UBE2L3: variants seen among roughly 807,000 people sequenced by gnomAD.
UBE2L3 encodes ubiquitin conjugating enzyme E2 L3.
In UBE2L3, 1 loss-of-function variant was observed where a neutral mutation model predicts 17.8. That is an observed-to-expected ratio of 0.06 (90% confidence interval 0.02 to 0.27). The LOEUF (loss-of-function observed/expected upper bound fraction) is 0.27. Ranked by LOEUF, UBE2L3 falls within the 10% of genes least tolerant of loss-of-function variation. The probability of loss-of-function intolerance (pLI) is 1.00; values close to 1 mark genes in which losing one functional copy is unlikely to be tolerated. For synonymous variants in UBE2L3, 44 were observed against 68.5 expected (o/e 0.64, Z 1.76); for missense variants, 40 against 192.6 (o/e 0.21, Z 4.69).
intron 2 of UBE2L3, among the ~76,000 whole-genome samples, chr22:21,607,779 G>GC (rs1929256723): frequency 6.6e-6 from 1 of 152,212 alleles, no homozygotes; most frequent in Non-Finnish European, 1.5e-5. Context: ...GGGGCAAGGG[G>GC]CTAGGGCATG....
At chr22:21,556,853 A>G (rs1488199542) in intron 1 of UBE2L3, among the ~76,000 whole-genome samples, 4 of 152,262 alleles carry the variant, frequency 2.6e-5, no homozygotes, top group African/African-American at 9.6e-5. Context: ...CAGGAGTTCG[A>G]GCCCAGCCTG....
At chr22:21,557,844 T>C (rs1233779722) in intron 1 of UBE2L3, among the ~76,000 whole-genome samples, 4 of 152,354 alleles carry the variant, frequency 2.6e-5, no homozygotes, top group Non-Finnish European at 1.5e-5. Context: ...TTAAGTGTCA[T>C]TTATCAGATT....
At chr22:21,584,434 C>G (rs1348237457) in intron 1 of UBE2L3, among the ~76,000 whole-genome samples, 4 of 151,988 alleles carry the variant, frequency 2.6e-5, no homozygotes, top group Non-Finnish European at 5.9e-5. Context: ...CTTGGCCTCC[C>G]AAAGTGCTGG....
Position 21,621,899 on chromosome 22 carries a change from C to G in UBE2L3, c.*230C>G. ...GTTCTGCTCTCTTTGTTTTAAAAAT[C>G]ACTGCTTCAATCTACTTCAAAAGAA... is the stretch of plus-strand genomic sequence containing the variant. On this transcript the variant is annotated 3_prime_UTR_variant, in exon 4 of 4. Coordinates refer to ENST00000342192, the MANE Select transcript of UBE2L3 (RefSeq NM_003347.4). 2.2e-6 allele frequency: 1 copy of G among 463,384 alleles called. No individual in the cohort carries two copies. The highest frequency in any genetic ancestry group is 3.8e-6 in the Non-Finnish European group (1 of 265,224). The allele number at this position is 463,384 out of a possible 1,614,324, so 28.7% of individuals were successfully genotyped here.
intron 1 of UBE2L3, among the ~76,000 whole-genome samples, chr22:21,572,432 A>AAG (rs1010517466): frequency 5.3e-5 from 8 of 151,026 alleles, no homozygotes; most frequent in African/African-American, 1.9e-4. Context: ...CAAAAAAAAA[A>AAG]AAAAAAAAAG....
At chr22:21,608,703 G>A (rs1929306528) in intron 2 of UBE2L3, among the ~76,000 whole-genome samples, 1 of 151,272 alleles carries the variant, frequency 6.6e-6, no homozygotes, top group Non-Finnish European at 1.5e-5. Context: ...GGGATTACAG[G>A]TGTGAGCCAC....
intron 3 of UBE2L3, among the ~76,000 whole-genome samples, chr22:21,618,212 T>TAGTGAA (rs10522574): frequency 0.54 from 81,301 of 150,968 alleles, 22,389 homozygotes; most frequent in African/African-American, 0.67. Flanking sequence ...TTGATCAAAT[T>TAGTGAA]AGTGAAACTA....
At chr22:21,564,329 G>T (rs1313597687), upstream of UBE2L3, among the ~76,000 whole-genome samples, 1 of 152,120 alleles carries the variant, frequency 6.6e-6, no homozygotes, top group East Asian at 1.9e-4. Flanking sequence ...TCACCACAAG[G>T]TTACTTCTGA....
chr22:21,619,670 C>T (rs768831716), intron 3 of UBE2L3, among the ~76,000 whole-genome samples: 9 of 152,222 alleles, frequency 5.9e-5, no homozygotes, highest in Admixed American at 2.0e-4. Context: ...TTGCATATGA[C>T]TCAGCCAGCA....
At position 21,622,710 on chromosome 22, in the gene UBE2L3, G is replaced by C. The variant is rs567387301; in HGVS notation, c.*1041G>C. The C allele has an allele frequency of 6.5e-6, 1 of 152,806 alleles. No individual in the cohort carries two copies. The highest frequency in any genetic ancestry group is 1.5e-5 in the Non-Finnish European group (1 of 68,178). The allele number at this position is 152,806 out of a possible 1,614,324, so 9.5% of individuals were successfully genotyped here. On this transcript the variant is annotated 3_prime_UTR_variant, in exon 4 of 4. Transcript: ENST00000342192. ...TGTAGGATTGGAATTAGCAGGACTCGGCTATTTAAAGCACCAGTCTGGGGT... is the reference window on the plus strand; with the variant it reads ...TGTAGGATTGGAATTAGCAGGACTCCGCTATTTAAAGCACCAGTCTGGGGT...
intron 1 of UBE2L3, among the ~76,000 whole-genome samples, chr22:21,590,264 C>T (rs1432491969): frequency 6.6e-6 from 1 of 152,154 alleles, no homozygotes; most frequent in Non-Finnish European, 1.5e-5. Context: ...GTGGTGCGAT[C>T]TTAGTTCACT....
intron 2 of UBE2L3, among the ~76,000 whole-genome samples, chr22:21,607,729 A>G (rs994926647): frequency 6.6e-6 from 1 of 152,104 alleles, no homozygotes; most frequent in Non-Finnish European, 1.5e-5. Context: ...TGGGGCCATC[A>G]GAGTGTCCAG....
intron 3 of UBE2L3, among the ~76,000 whole-genome samples, chr22:21,612,506 T>TA (rs1273198796): frequency 6.6e-6 from 1 of 151,356 alleles, no homozygotes; most frequent in Non-Finnish European, 1.5e-5. Context: ...TTTGTATTTT[T>TA]AGTAGAGACG....
chr22:21,587,935 G>A (rs543702533), intron 1 of UBE2L3, among the ~76,000 whole-genome samples: 4 of 152,148 alleles, frequency 2.6e-5, no homozygotes, highest in African/African-American at 7.2e-5. Context: ...CTTGGGCTCC[G>A]AAGTGGACCT....
chr22:21,593,976 C>T (rs182226010), intron 2 of UBE2L3, among the ~76,000 whole-genome samples: 22 of 152,334 alleles, frequency 1.4e-4, no homozygotes, highest in African/African-American at 4.8e-4. Flanking sequence ...AGGATTCCCA[C>T]ACCTGTCTCC....
intron 3 of UBE2L3, among the ~76,000 whole-genome samples, chr22:21,620,297 G>A (rs1929982754): frequency 6.6e-6 from 1 of 152,036 alleles, no homozygotes; most frequent in Admixed American, 6.6e-5. Context: ...GTGATGGCAT[G>A]TGCTTGTAGT....
intron 1 of UBE2L3, among the ~76,000 whole-genome samples, chr22:21,587,254 G>A (rs377554052): frequency 9.9e-5 from 15 of 151,222 alleles, no homozygotes; most frequent in African/African-American, 3.4e-4. Context: ...GCAGTGGCGC[G>A]ATCTCGGCTC....
At chr22:21,616,033 G>A (rs992517937) in intron 3 of UBE2L3, among the ~76,000 whole-genome samples, 1 of 152,144 alleles carries the variant, frequency 6.6e-6, no homozygotes, top group Non-Finnish European at 1.5e-5. Context: ...GAGTTATAGT[G>A]CTGCTGAGTC....
At chr22:21,563,396 CAAA>C (rs1402687151), upstream of UBE2L3, among the ~76,000 whole-genome samples, 1 of 124,542 alleles carries the variant, frequency 8.0e-6, no homozygotes, top group Non-Finnish European at 1.7e-5. Flanking sequence ...CTGAAAATAC[CAAA>C]AAAAAAAAAA....
Sources: allele counts gnomAD v4.1 joint callset (sites outside exome capture counted in the v4.1 genomes callset), GRCh38; gene constraint gnomAD v4.1.1; transcripts MANE v1.5; gene names NCBI Gene and HGNC (gene_info 2026-07-23, HGNC 2026-07-21).